Variants in ADAMTS20 observed in about 807,000 individuals in gnomAD.
ADAMTS20 encodes the protein A disintegrin and metalloproteinase with thrombospondin motifs 20.
Under a neutral mutation model 260.1 loss-of-function variants are expected in ADAMTS20, and 225 were observed. That is an observed-to-expected ratio of 0.87 (90% CI 0.78 to 0.97). The LOEUF is 0.97. Among genes scored for constraint, ADAMTS20 ranks in the 50% least tolerant of loss-of-function variants. ADAMTS20 has a pLI of 0.00. For synonymous variants in ADAMTS20, 802 were observed against 769.5 expected (o/e 1.04, Z -0.70); for missense variants, 2,400 against 2,337.7 (o/e 1.03, Z -0.55).
chr12:43,377,648 C>CA, intron 31 of ADAMTS20, 86 bp from the exon 32 acceptor site: 4 of 1,062,500 alleles, frequency 3.8e-6, no homozygotes, highest in Non-Finnish European at 4.0e-6. Flanking sequence ...ATATATTATG[C>CA]TGTGTCATTT....
Position 43,439,708 on chromosome 12 carries a change from G to C in ADAMTS20, c.2507C>G (p.Ser836Cys), listed in dbSNP as rs745980093. The stretch of plus-strand genomic sequence containing the variant: ...CCTCTCTTCCAAAGGGATATTGAAG[G>C]AATAATGTACATCAGGGTTGTATAA... ...GNLYNPDVHY[S>C]FNIPLEERSD... is the part of the protein sequence containing the mutation. Residue 836 changes from serine (S) to cysteine (C), a missense_variant, in exon 18 of 39, where the codon TCC (serine) becomes TGC (cysteine). Ser to Cys is a moderately radical substitution (Grantham distance 112, BLOSUM62 -1). Transcript: ENST00000389420. The C allele has an allele frequency of 6.2e-7, 1 of 1,613,400 alleles. No individual in the cohort carries two copies. The highest frequency in any genetic ancestry group is 1.3e-5 in the African/African-American group (1 of 74,836).
At chr12:43,536,466 C>T (rs1216313777) in intron 2 of ADAMTS20, among the ~76,000 whole-genome samples, 1 of 151,506 alleles carries the variant, frequency 6.6e-6, no homozygotes, top group African/African-American at 2.4e-5. Flanking sequence ...AAAAAGGCAA[C>T]CAATAAATAA....
intron 2 of ADAMTS20, among the ~76,000 whole-genome samples, chr12:43,541,193 T>C (rs926537190): frequency 3.3e-4 from 50 of 152,146 alleles, no homozygotes; most frequent in African/African-American, 5.5e-4. Context: ...CTAAAATACT[T>C]AGTTTTTCCA....
Position 43,550,560 on chromosome 12 carries a change from C to T in ADAMTS20, c.453+349G>A, listed in dbSNP as rs2137536413. On this transcript the variant is annotated intron_variant, in intron 2 of 38. Coordinates refer to ENST00000389420, the MANE Select transcript of ADAMTS20 (RefSeq NM_025003.5). ...CCGGGGGATTCTGCCTCAATAGGAC[C>T]ACGAAAGGGTACATCTGAGTCAAAC... 2.6e-5 allele frequency among the ~76,000 whole-genome samples: 4 copies of T among 152,184 alleles called. 1 individual carries two copies. Among genetic ancestry groups the T allele is most frequent in the Admixed American group, 2.6e-4 (4 of 15,294 alleles).
intron 3 of ADAMTS20, among the ~76,000 whole-genome samples, chr12:43,528,867 C>A (rs932367639): frequency 5.3e-5 from 8 of 152,068 alleles, no homozygotes; most frequent in African/African-American, 1.9e-4. Flanking sequence ...AAACAGACAG[C>A]CCAGAGAATT....
intron 3 of ADAMTS20, among the ~76,000 whole-genome samples, chr12:43,505,070 T>A (rs1942822725): frequency 6.6e-6 from 1 of 152,140 alleles, no homozygotes; most frequent in Non-Finnish European, 1.5e-5. Flanking sequence ...ACCCCAGATA[T>A]AAACCCTTGT....
rs1942157730 is a variant in ADAMTS20, at chr12:43,466,664, G to A, written c.1355C>T (p.Thr452Ile). The A allele has an allele frequency of 1.9e-6, 3 of 1,607,182 alleles. No homozygotes were observed. Among genetic ancestry groups the A allele is most frequent in the African/African-American group, 2.7e-5 (2 of 74,644 alleles). ...SWSNCSRKYVTEFLDTGYGEC... is the reference protein window; with the variant it reads ...SWSNCSRKYVIEFLDTGYGEC... ...TAAATTTACTTACTCTAGGAATTCA[G>A]TAACATATTTCCGACTACAGTTTGA... The change falls in exon 9 of 39, where the codon ACT (threonine) becomes ATT (isoleucine). Residue 452 changes from threonine to isoleucine, a missense_variant. Transcript: ENST00000389420.
At chr12:43,383,521 A>C (rs762651693) in intron 31 of ADAMTS20, 37 bp downstream of exon 31, 2 of 1,560,092 alleles carry the variant, frequency 1.3e-6, no homozygotes, top group Non-Finnish European at 1.7e-6. Context: ...TGTTTTATCA[A>C]GGAGCAAAAA....
intron 2 of ADAMTS20, among the ~76,000 whole-genome samples, chr12:43,545,433 A>T (rs1943429786): frequency 6.6e-6 from 1 of 152,220 alleles, no homozygotes; most frequent in Non-Finnish European, 1.5e-5. Flanking sequence ...ATTTTTATTC[A>T]TTCCTCAAAG....
At chr12:43,394,398 T>C (rs1269985489) in intron 29 of ADAMTS20, among the ~76,000 whole-genome samples, 2 of 152,128 alleles carry the variant, frequency 1.3e-5, no homozygotes, top group African/African-American at 4.8e-5. Flanking sequence ...GATATATTAG[T>C]GCCCAACACT....
At chr12:43,431,297 A>G in intron 22 of ADAMTS20, 35 bp downstream of exon 22, 1 of 1,599,530 alleles carries the variant, frequency 6.3e-7, no homozygotes, top group Non-Finnish European at 8.5e-7. Flanking sequence ...CTGTAAAGAT[A>G]GATCAAATTA....
chr12:43,409,310 C>G (rs1277266116), intron 28 of ADAMTS20, among the ~76,000 whole-genome samples: 1 of 151,726 alleles, frequency 6.6e-6, no homozygotes, highest in African/African-American at 2.4e-5. Context: ...AAGATAAAAA[C>G]AAGAAAATTA....
rs12321982 is a variant in ADAMTS20, at chr12:43,429,770, G to A, written c.3382-46C>T. 3.2e-3 allele frequency: 3,951 copies of A among 1,240,320 alleles called. 99 individuals are homozygous for A. In the African/African-American group the frequency reaches 0.053, roughly 17 times the overall value. The allele number at this position is 1,240,320 out of a possible 1,614,324, so 76.8% of individuals were successfully genotyped here. ...TCTCGTAAAACATTAATTAATGACT[G>A]ATTTATACAAAATCTAATACTTCAC... On this transcript the variant is annotated intron_variant, in intron 23 of 38. Coordinates refer to ENST00000389420, the MANE Select transcript of ADAMTS20 (RefSeq NM_025003.5).
chr12:43,455,190 T>C (rs1941942304), intron 11 of ADAMTS20, among the ~76,000 whole-genome samples: 1 of 152,224 alleles, frequency 6.6e-6, no homozygotes, highest in Non-Finnish European at 1.5e-5. Flanking sequence ...TAGCATAATA[T>C]GCCCAAGCTT....
At chr12:43,528,365 A>AAAAAAAAAAAAAAAAC (rs1943173811) in intron 3 of ADAMTS20, among the ~76,000 whole-genome samples, 1 of 148,414 alleles carries the variant, frequency 6.7e-6, no homozygotes, top group African/African-American at 2.5e-5. Context: ...AAAAAAAAAA[A>AAAAAAAAAAAAAAAAC]AAAAAAAAAC....
intron 28 of ADAMTS20, among the ~76,000 whole-genome samples, chr12:43,411,659 C>T (rs1368627077): frequency 2.0e-5 from 3 of 152,204 alleles, no homozygotes; most frequent in African/African-American, 4.8e-5. Flanking sequence ...TGAGTCACCA[C>T]GCCTGGCTCA....
intron 2 of ADAMTS20, among the ~76,000 whole-genome samples, chr12:43,540,517 C>G (rs1156801733): frequency 2.6e-5 from 4 of 152,104 alleles, no homozygotes; most frequent in Non-Finnish European, 4.4e-5. Flanking sequence ...TATAACCTAT[C>G]CCATTGCAGT....
At chr12:43,461,833 T>C (rs1207022555) in intron 11 of ADAMTS20, among the ~76,000 whole-genome samples, 1 of 152,040 alleles carries the variant, frequency 6.6e-6, no homozygotes, top group East Asian at 1.9e-4. Context: ...AGAAACATTA[T>C]ATAAAGATTG....
Position 43,492,518 on chromosome 12 carries a change from C to G in ADAMTS20, c.1063G>C (p.Val355Leu). ...CTATAATCATACCTAGTGATAAGAACAGCAGTGTCATGGTGGGAAGGGTGA... is the reference window on the plus strand; with the variant it reads ...CTATAATCATACCTAGTGATAAGAAGAGCAGTGTCATGGTGGGAAGGGTGA... The part of the protein sequence containing the change: ...DVHPSHHDTA[V>L]LITREDICSS... Residue 355 changes from valine to leucine, a missense_variant, in exon 6 of 39, where the codon GTT becomes CTT. Val to Leu is a conservative substitution (Grantham distance 32, BLOSUM62 1). Transcript: ENST00000389420. 1 of 1,613,678 alleles carries G rather than the reference C, an allele frequency of 6.2e-7. No homozygotes were observed. The highest frequency in any genetic ancestry group is 8.5e-7 in the Non-Finnish European group (1 of 1,179,760).
Sources: gnomAD v4.1 joint callset for allele counts (sites outside exome capture counted in the v4.1 genomes callset) on GRCh38, gnomAD v4.1.1 for gene constraint, MANE v1.5 for transcripts, NCBI Gene and HGNC (gene_info 2026-07-23, HGNC 2026-07-21) for gene names.